The following JAKMIP3 variants were observed in gnomAD, a reference collection of about 807,000 sequenced individuals.
JAKMIP3 encodes janus kinase and microtubule-interacting protein 3.
In JAKMIP3, 58 loss-of-function variants were observed where a neutral mutation model predicts 118.5. That is an observed-to-expected ratio of 0.49 (90% confidence interval 0.40 to 0.61). The LOEUF (loss-of-function observed/expected upper bound fraction) is 0.61. Ranked by LOEUF, JAKMIP3 falls within the 20% of genes least tolerant of loss-of-function variation. The pLI is 0.00. For synonymous variants in JAKMIP3, 486 were observed against 451.2 expected (o/e 1.08, Z -0.98); for missense variants, 950 against 1,109.0 (o/e 0.86, Z 2.04).
intron 1 of JAKMIP3, among the ~76,000 whole-genome samples, chr10:132,081,386 A>C (rs566315342): frequency 1.3e-5 from 2 of 152,310 alleles, no homozygotes; most frequent in South Asian, 4.1e-4. Flanking sequence ...CTATGGTAGG[A>C]GCAAGCTATA....
intron 23 of JAKMIP3, among the ~76,000 whole-genome samples, chr10:132,176,589 GACTACTAACCGCTAT>G (rs957224417): frequency 3.9e-5 from 6 of 152,140 alleles, no homozygotes; most frequent in African/African-American, 1.2e-4. Context: ...CCACAACGCA[GACTACTAACCGCTAT>G]ACGATCACGG....
intron 1 of JAKMIP3, among the ~76,000 whole-genome samples, chr10:132,055,152 T>G (rs1025487014): frequency 5.9e-5 from 9 of 152,184 alleles, no homozygotes; most frequent in African/African-American, 2.2e-4. Context: ...AAAGTTGGAC[T>G]CTTAACTGGG....
intron 1 of JAKMIP3, among the ~76,000 whole-genome samples, chr10:132,096,981 A>G (rs920516238): frequency 2.0e-5 from 3 of 152,182 alleles, no homozygotes; most frequent in Non-Finnish European, 4.4e-5. Context: ...CTCACAGCAG[A>G]CATTTCCCGA....
chr10:132,064,103 C>T (rs917700819), upstream of JAKMIP3, among the ~76,000 whole-genome samples: 1 of 152,148 alleles, frequency 6.6e-6, no homozygotes, highest in Admixed American at 6.5e-5. The surrounding 1 kb of genome is among the most constrained non-coding windows in gnomAD (Gnocchi z 4.4). Flanking sequence ...TGTATTTGGA[C>T]GTATGTGCGT....
intron 19 of JAKMIP3, among the ~76,000 whole-genome samples, chr10:132,158,949 G>C (rs562745664): frequency 2.3e-5 from 2 of 88,746 alleles, no homozygotes; most frequent in African/African-American, 5.5e-5. Context: ...TGGGGGGGGG[G>C]ACCTCTCGCT....
intron 3 of JAKMIP3, among the ~76,000 whole-genome samples, chr10:132,121,970 C>T (rs557007475): frequency 3.3e-5 from 5 of 152,284 alleles, no homozygotes; most frequent in East Asian, 3.9e-4. Flanking sequence ...AAATGGACCC[C>T]GTGATTCAAG....
intron 11 of JAKMIP3, among the ~76,000 whole-genome samples, chr10:132,142,620 G>A (rs1204068489): frequency 1.1e-4 from 16 of 152,194 alleles, no homozygotes; most frequent in Admixed American, 1.0e-3. Context: ...GGTGCCCTCT[G>A]CGGGCCGTGG....
At position 132,102,472 on chromosome 10, in the gene JAKMIP3, C is replaced by T. The variant is rs543431007; in HGVS notation, c.-137-2200C>T. On this transcript the variant is annotated intron_variant, in intron 1 of 23. Coordinates refer to ENST00000684848, the MANE Select transcript of JAKMIP3 (RefSeq NM_001323087.2). ...GCCCGAGCCTGGTCCCTCCAGTCCC[C>T]GTCTCACACGTGCAGAGCTGACATC... 1.3e-4 allele frequency among the ~76,000 whole-genome samples: 20 copies of T among 152,260 alleles called. No homozygotes were observed. In the East Asian group the frequency reaches 3.3e-3, roughly 25 times the overall value.
chr10:132,166,238 A>T (rs2058887872), intron 21 of JAKMIP3, among the ~76,000 whole-genome samples: 1 of 152,050 alleles, frequency 6.6e-6, no homozygotes, highest in African/African-American at 2.4e-5. Flanking sequence ...AGGTGGGAGG[A>T]TCACCTGAGC....
chr10:132,130,098 T>C (rs2050287694), intron 3 of JAKMIP3, among the ~76,000 whole-genome samples: 2 of 152,084 alleles, frequency 1.3e-5, no homozygotes, highest in Non-Finnish European at 2.9e-5. Flanking sequence ...AATGTCACAT[T>C]TCCCCCTCAT....
intron 2 of JAKMIP3, among the ~76,000 whole-genome samples, chr10:132,109,578 T>G (rs930975643): frequency 2.0e-5 from 3 of 152,192 alleles, no homozygotes; most frequent in African/African-American, 7.2e-5. Flanking sequence ...CTCAGCTCAT[T>G]GCACCTGAGG....
intron 1 of JAKMIP3, among the ~76,000 whole-genome samples, chr10:132,074,002 A>AGTTCT (rs2040389739): frequency 6.6e-6 from 1 of 151,684 alleles, no homozygotes; most frequent in Admixed American, 6.6e-5. Flanking sequence ...AGCGTACAAG[A>AGTTCT]GTTCCCTTTT....
chr10:132,064,090 C>T (rs1261030813), upstream of JAKMIP3, among the ~76,000 whole-genome samples: 2 of 152,164 alleles, frequency 1.3e-5, no homozygotes, highest in African/African-American at 4.8e-5. The surrounding 1 kb of genome is among the most constrained non-coding windows in gnomAD (Gnocchi z 4.4). Flanking sequence ...TAAATGGCCC[C>T]ATTGTATTTG....
In JAKMIP3 at chr10:132,163,284, T is replaced by C. The variant is rs566586775; in HGVS notation, c.2296T>C (p.Ser766Pro). ...EAGAKVAELL[S>P]EEEREKLKVA... ...CGGGGCTAAGGTGGCTGAGCTGCTGTCAGAGGAGGAGCGCGAGAAGCTCAA... is the reference window on the plus strand; with the variant it reads ...CGGGGCTAAGGTGGCTGAGCTGCTGCCAGAGGAGGAGCGCGAGAAGCTCAA... Residue 766 changes from serine to proline, a missense_variant, in exon 20 of 24, where the codon TCA becomes CCA. Ser to Pro is a moderately conservative substitution (Grantham distance 74). Transcript: ENST00000684848. 6.3e-7 allele frequency: 1 copy of C among 1,599,680 alleles called. No individual in the cohort carries two copies. The highest frequency in any genetic ancestry group is 1.1e-5 in the South Asian group (1 of 88,280).
At chr10:132,077,316 C>T (rs1350935985) in intron 1 of JAKMIP3, among the ~76,000 whole-genome samples, 1 of 152,098 alleles carries the variant, frequency 6.6e-6, no homozygotes, top group Non-Finnish European at 1.5e-5. Flanking sequence ...GTACCTGCAC[C>T]TGGGGCCACT....
intron 1 of JAKMIP3, among the ~76,000 whole-genome samples, chr10:132,040,715 TTTTAAG>T (rs1248386023): frequency 2.6e-5 from 4 of 151,908 alleles, no homozygotes; most frequent in Non-Finnish European, 5.9e-5. Flanking sequence ...TCCTCTTAAA[TTTTAAG>T]TGTACGACAC....
At chr10:132,040,531 A>G (rs1183832616) in intron 1 of JAKMIP3, among the ~76,000 whole-genome samples, 1 of 152,066 alleles carries the variant, frequency 6.6e-6, no homozygotes, top group East Asian at 1.9e-4. Flanking sequence ...TAAAAATGTC[A>G]TATTCATGAG....
chr10:132,074,986 G>T (rs571420577), intron 1 of JAKMIP3, among the ~76,000 whole-genome samples: 3 of 152,178 alleles, frequency 2.0e-5, no homozygotes, highest in Non-Finnish European at 4.4e-5. Flanking sequence ...TCAGCTGGTT[G>T]TAGGTAAGTG....
At position 132,179,575 on chromosome 10, in the gene JAKMIP3, C is replaced by T. The variant is rs1240069738; in HGVS notation, c.*1104-2782C>T. On this transcript the variant is annotated intron_variant, in intron 23 of 23. Coordinates refer to ENST00000684848, the MANE Select transcript of JAKMIP3 (RefSeq NM_001323087.2). This position sits in a 1 kb window ranked among gnomAD's most constrained non-coding sequence, Gnocchi z 4.3. ...GCGCTCCCTGAAGGCAATTCGCAGC[C>T]CCATGTTCCCCCCACCCCCCACACT... Among the ~76,000 whole-genome samples the T allele has an allele frequency of 6.6e-6, 1 of 152,140 alleles. No homozygotes were observed. The highest frequency in any genetic ancestry group is 1.5e-5 in the Non-Finnish European group (1 of 68,018).
Sources: gnomAD v4.1 joint callset for allele counts (sites outside exome capture counted in the v4.1 genomes callset) on GRCh38, gnomAD v4.1.1 for gene constraint, Gnocchi (gnomAD v3.1) non-coding constraint, MANE v1.5 for transcripts, NCBI Gene and HGNC (gene_info 2026-07-23, HGNC 2026-07-21) for gene names.